Variants in EIF3H observed in about 807,000 individuals in gnomAD.
EIF3H encodes the protein eukaryotic translation initiation factor 3 subunit H.
EIF3H carries 26 observed loss-of-function variants against 44.2 expected under a neutral mutation model. The observed-to-expected ratio is 0.59, with a 90% CI of 0.43 to 0.82. The LOEUF (loss-of-function observed/expected upper bound fraction) is 0.82, where lower values mean the gene tolerates loss of function less well. Ranked by LOEUF, EIF3H falls within the 40% of genes least tolerant of loss-of-function variation. The probability of loss-of-function intolerance (pLI) is 0.00; values close to 1 mark genes in which losing one functional copy is unlikely to be tolerated. For missense variants in EIF3H, 359 were observed against 432.8 expected, an observed-to-expected ratio of 0.83 and a Z score of 1.51; for synonymous variants, 166 against 151.9, an observed-to-expected ratio of 1.09 and a Z score of -0.68.
intron 2 of EIF3H, among the ~76,000 whole-genome samples, chr8:116,701,358 T>C (rs1160161701): frequency 6.6e-6 from 1 of 152,166 alleles, no homozygotes; most frequent in Non-Finnish European, 1.5e-5. Flanking sequence ...TGATAAGATA[T>C]AGTGTGATAG....
chr8:116,751,534 AAGG>A (rs1408135958), intron 1 of EIF3H, among the ~76,000 whole-genome samples: 4 of 152,196 alleles, frequency 2.6e-5, no homozygotes, highest in Admixed American at 2.6e-4. Flanking sequence ...GATGGAAAGT[AAGG>A]AGAAGAACAA....
chr8:116,730,959 G>A (rs1814941301), intron 1 of EIF3H, among the ~76,000 whole-genome samples: 1 of 152,154 alleles, frequency 6.6e-6, no homozygotes, highest in Non-Finnish European at 1.5e-5. Flanking sequence ...ATTTAGCCAG[G>A]GAAGTGAGAT....
chr8:116,760,299 T>C (rs1202430781), upstream of EIF3H, among the ~76,000 whole-genome samples: 1 of 152,250 alleles, frequency 6.6e-6, no homozygotes, highest in African/African-American at 2.4e-5. Flanking sequence ...AAAAAGATCT[T>C]GCTCATTAGC....
chr8:116,711,311 T>C (rs1368645095), intron 2 of EIF3H, among the ~76,000 whole-genome samples: 1 of 152,204 alleles, frequency 6.6e-6, no homozygotes, highest in Non-Finnish European at 1.5e-5. Flanking sequence ...ACAGAGAAAA[T>C]AGCTCATACC....
intron 2 of EIF3H, among the ~76,000 whole-genome samples, chr8:116,677,201 A>C (rs1371832764): frequency 6.6e-6 from 1 of 152,232 alleles, no homozygotes; most frequent in East Asian, 1.9e-4. Context: ...CTTTTGCAGA[A>C]AAATACTCTG....
chr8:116,650,981 A>G (rs1813380769), intron 5 of EIF3H, among the ~76,000 whole-genome samples: 1 of 152,170 alleles, frequency 6.6e-6, no homozygotes, highest in African/African-American at 2.4e-5. Context: ...AGAGATAGAA[A>G]GTGACTAGAG....
intron 2 of EIF3H, among the ~76,000 whole-genome samples, chr8:116,671,390 C>G (rs1235997794): frequency 6.6e-6 from 1 of 152,116 alleles, no homozygotes; most frequent in Non-Finnish European, 1.5e-5. Flanking sequence ...GCATCTCAAA[C>G]CAGGTAATAT....
rs183745245 is a variant in EIF3H at position 116,655,758 on chromosome 8, A to C, written c.707+98T>G. ...GTTTTAAGAACCTATAAACGTTCTT[A>C]AGTAACTGTTTTCTTGTTTCACAGG... On this transcript the variant is annotated intron_variant, in intron 5 of 7. Transcript: ENST00000521861. 774 of 1,283,302 alleles carry C rather than the reference A, an allele frequency of 6.0e-4. 6 individuals carry two copies. Among genetic ancestry groups the C allele is most frequent in the Non-Finnish European group, 2.1e-4 (188 of 896,026 alleles). The allele number at this position is 1,283,302 out of a possible 1,614,324, so 79.5% of individuals were successfully genotyped here. A position where few individuals can be genotyped will look rare whatever the true frequency, so the allele number is the denominator to read the frequency against.
In EIF3H at chr8:116,653,829, A is replaced by G. The variant is rs539926195; in HGVS notation, c.707+2027T>C. On this transcript the variant is annotated intron_variant, in intron 5 of 7. Coordinates refer to ENST00000521861, the MANE Select transcript of EIF3H (RefSeq NM_003756.3). ...AATAAAAAAATTTGAATTTTTCAAC[A>G]AAAGCAAATACAGTATGTTTTAGTC... Among the ~76,000 whole-genome samples the G allele has an allele frequency of 2.4e-4, 36 of 152,344 alleles. 2 individuals are homozygous for G. In the South Asian group the frequency reaches 6.0e-3, roughly 25 times the overall value.
chr8:116,726,032 A>G lies in EIF3H; in HGVS notation c.273T>C (p.Asp91=). 1 of 1,613,970 alleles carries G rather than the reference A, an allele frequency of 6.2e-7. No individual in the cohort carries two copies. Among genetic ancestry groups the G allele is most frequent in the South Asian group, 1.1e-5 (1 of 91,068 alleles). The stretch of plus-strand genomic sequence containing the variant: ...CACCCTTACCTTCATCAAAGTCAGC[A>G]TCATCCTCTGTGTGCTGAGGGAAAG... ...CFPFPQHTED[D]ADFDEVQYQM... Residue 91 remains aspartate, a synonymous_variant, in exon 2 of 8, where the codon GAT becomes GAC. Transcript: ENST00000521861.
At position 116,742,984 on chromosome 8, in the gene EIF3H, T is replaced by C. The variant is rs148205489; in HGVS notation, c.132+12682A>G. Among the ~76,000 whole-genome samples the C allele has an allele frequency of 2.0e-4, 31 of 152,338 alleles. No homozygotes were observed. The East Asian group carries it at 5.8e-3, about 28-fold the overall frequency. ...AGGTGGTTATTCATCATCTTTCTAG[T>C]CAAGAGGTCCTTTAGAATGAAACCA... On this transcript the variant is annotated intron_variant, in intron 1 of 7. Transcript: ENST00000521861.
At chr8:116,652,613 G>A (rs1321119441) in intron 5 of EIF3H, among the ~76,000 whole-genome samples, 4 of 152,102 alleles carry the variant, frequency 2.6e-5, no homozygotes, top group Admixed American at 6.5e-5. Flanking sequence ...AAGTGTTTAC[G>A]TACGTAGATA....
At position 116,726,017 on chromosome 8, in the gene EIF3H, TTCA is replaced by T; in HGVS notation, c.285_287del (p.Asp95del). ...CACACTTGTGATGAACACCCTTACCTTCATCAAAGTCAGCATCATCCTCTGTGT... is the reference window on the plus strand; with the variant it reads ...CACACTTGTGATGAACACCCTTACCTTCAAAGTCAGCATCATCCTCTGTGT... On this transcript the variant is annotated inframe_deletion and splice_region_variant, in exon 2 of 8. Coordinates refer to ENST00000521861, the MANE Select transcript of EIF3H (RefSeq NM_003756.3). 1.2e-6 allele frequency: 2 copies of T among 1,613,500 alleles called. No individual in the cohort carries two copies.
chr8:116,687,084 A>G (rs1007855147), intron 2 of EIF3H, among the ~76,000 whole-genome samples: 1 of 152,158 alleles, frequency 6.6e-6, no homozygotes, highest in Non-Finnish European at 1.5e-5. Flanking sequence ...CAGAGGATGG[A>G]CTAAAAAGGA....
intron 3 of EIF3H, 122 bp downstream of exon 3, chr8:116,658,691 G>A (rs1004295971): frequency 2.2e-6 from 2 of 909,920 alleles, no homozygotes; most frequent in East Asian, 5.5e-5. Context: ...GGCTGCTGCA[G>A]AAACAGGGTT....
chr8:116,706,985 C>A (rs749467602), intron 2 of EIF3H, among the ~76,000 whole-genome samples: 1 of 152,130 alleles, frequency 6.6e-6, no homozygotes, highest in Non-Finnish European at 1.5e-5. Context: ...CTGGGTTTAT[C>A]GGGACGTGAC....
Position 116,657,220 on chromosome 8 carries a change from A to C in EIF3H, c.552T>G (p.Pro184=). The C allele has an allele frequency of 1.2e-6, 2 of 1,611,950 alleles. No individual in the cohort carries two copies. The highest frequency in any genetic ancestry group is 1.7e-6 in the Non-Finnish European group (2 of 1,178,108). ...AGATGCCCCCAAACACTTACGCTTC[A>C]GGGGAAAAATCCTTTTCTTTACAAA... ...MEVCKEKDFS[P]EALKKANITF... is the part of the protein sequence containing the mutation. Residue 184 remains proline (P), a synonymous_variant, in exon 4 of 8, where the codon CCT becomes CCG. Coordinates refer to ENST00000521861, the MANE Select transcript of EIF3H (RefSeq NM_003756.3).
chr8:116,646,121 G>A (rs976535705), intron 7 of EIF3H, among the ~76,000 whole-genome samples: 10 of 152,214 alleles, frequency 6.6e-5, no homozygotes, highest in African/African-American at 2.4e-4. Context: ...ACTGTACAGT[G>A]CTGTGCTGGA....
chr8:116,662,118 G>C (rs1322415340), intron 2 of EIF3H, among the ~76,000 whole-genome samples: 1 of 152,102 alleles, frequency 6.6e-6, no homozygotes, highest in East Asian at 1.9e-4. Context: ...GCAATGATTG[G>C]TCAATTAAGA....
Sources: allele counts gnomAD v4.1 joint callset (sites outside exome capture counted in the v4.1 genomes callset), GRCh38; gene constraint gnomAD v4.1.1; transcripts MANE v1.5; gene names NCBI Gene and HGNC (gene_info 2026-07-23, HGNC 2026-07-21).